ATP6V1B1: variants seen among roughly 807,000 people sequenced by gnomAD.
ATP6V1B1 encodes the protein ATPase H+ transporting V1 subunit B1.
Under a neutral mutation model 62.1 loss-of-function variants are expected in ATP6V1B1, and 41 were observed. The observed-to-expected ratio is 0.66, with a 90% confidence interval of 0.51 to 0.86. ATP6V1B1 has a LOEUF of 0.86. ATP6V1B1 is among the 40% of genes least tolerant of loss of function. The probability of loss-of-function intolerance (pLI) is 0.00; values close to 1 mark genes in which losing one functional copy is unlikely to be tolerated. For missense variants in ATP6V1B1, 651 were observed against 697.5 expected, an observed-to-expected ratio of 0.93 and a Z score of 0.75; for synonymous variants, 253 against 273.4, an observed-to-expected ratio of 0.93 and a Z score of 0.74.
chr2:70,961,809 G>T (rs1680594591), intron 8 of ATP6V1B1, 116 bp downstream of exon 8: 1 of 1,019,846 alleles, frequency 9.8e-7, no homozygotes, highest in African/African-American at 1.6e-5. Flanking sequence ...GCCAGAGCTG[G>T]GAGAACAACC....
chr2:70,946,953 C>T (rs1553417466), intron 2 of ATP6V1B1, among the ~76,000 whole-genome samples: 4 of 152,314 alleles, frequency 2.6e-5, no homozygotes, highest in Non-Finnish European at 1.5e-5. Context: ...AGGCACCTCT[C>T]CCCATCCCTC....
At chr2:70,945,620 G>C (rs141020222) in intron 2 of ATP6V1B1, among the ~76,000 whole-genome samples, 22 of 149,392 alleles carry the variant, frequency 1.5e-4, no homozygotes, top group Non-Finnish European at 3.1e-4. Context: ...GATCAGGTCA[G>C]GGCAATTAGC....
At chr2:70,948,370 C>G (rs782808738) in intron 2 of ATP6V1B1, 1 of 152,440 alleles carries the variant, frequency 6.6e-6, no homozygotes, top group Non-Finnish European at 1.5e-5. Context: ...TCCCGAGTAG[C>G]TAGGACTACA....
intron 4 of ATP6V1B1, 99 bp from the exon 5 acceptor site, chr2:70,958,919 G>C: frequency 6.8e-6 from 8 of 1,172,424 alleles, no homozygotes; most frequent in Non-Finnish European, 1.0e-5. Flanking sequence ...GCACTCCTGT[G>C]GGGAGTGGGT....
At chr2:70,957,979 G>T in intron 2 of ATP6V1B1, 67 bp from the exon 3 acceptor site, 1 of 1,443,048 alleles carries the variant, frequency 6.9e-7, no homozygotes, top group East Asian at 2.4e-5. Context: ...GTCAGGGAGG[G>T]CCGGAGGAGG....
chr2:70,957,981 C>T (rs894725531), intron 2 of ATP6V1B1, 65 bp from the exon 3 acceptor site: 52 of 1,459,884 alleles, frequency 3.6e-5, no homozygotes, highest in African/African-American at 2.0e-4. Flanking sequence ...CAGGGAGGGC[C>T]GGAGGAGGAG....
At chr2:70,954,949 C>A (rs540895608) in intron 2 of ATP6V1B1, among the ~76,000 whole-genome samples, 2 of 152,138 alleles carry the variant, frequency 1.3e-5, no homozygotes, top group African/African-American at 4.8e-5. Context: ...TGACAGCTGA[C>A]GATGAGTGTC....
In ATP6V1B1 at chr2:70,958,370, C is replaced by T; in HGVS notation, c.311C>T (p.Thr104Ile). The T allele has an allele frequency of 1.2e-6, 2 of 1,614,128 alleles. No individual in the cohort carries two copies. The highest frequency in any genetic ancestry group is 1.6e-4 in the Middle Eastern group (1 of 6,062). ...ACATCAGGGATCGATGCCAGGAAGA[C>T]CACTTGCGAATTTACAGGGGACATC... ...EGTSGIDARK[T>I]TCEFTGDILR... The change falls in exon 4 of 14, where the codon ACC (threonine) becomes ATC (isoleucine). Residue 104 changes from threonine (T) to isoleucine (I), a missense_variant. By Grantham distance (89) the Thr-to-Ile change is moderately conservative (BLOSUM62 -1). Coordinates refer to ENST00000234396, the MANE Select transcript of ATP6V1B1 (RefSeq NM_001692.4).
intron 2 of ATP6V1B1, among the ~76,000 whole-genome samples, chr2:70,954,306 G>A (rs1680386499): frequency 1.3e-5 from 2 of 152,132 alleles, no homozygotes; most frequent in South Asian, 2.1e-4. Context: ...GGAGCGAAAT[G>A]TTTTCTAGTT....
Position 70,962,893 on chromosome 2 carries a change from T to C in ATP6V1B1, c.902T>C (p.Leu301Ser). 4.3e-6 allele frequency: 7 copies of C among 1,614,072 alleles called. No homozygotes were observed. Among genetic ancestry groups the C allele is most frequent in the Non-Finnish European group, 5.9e-6 (7 of 1,180,014 alleles). The change falls in exon 9 of 14, where the codon TTG becomes TCG. Residue 301 changes from leucine to serine, a missense_variant. Leu to Ser is a moderately radical substitution (Grantham distance 145, BLOSUM62 -2). Coordinates refer to ENST00000234396, the MANE Select transcript of ATP6V1B1 (RefSeq NM_001692.4). The stretch of plus-strand genomic sequence containing the variant: ...GACATGAGTTCCTATGCAGAGGCCT[T>C]GCGGGAGGTAAGCTGGCTAGCAAGG... ...LTDMSSYAEA[L>S]REVSAAREEV...
At position 70,943,543 on chromosome 2, in the gene ATP6V1B1, C is replaced by A. The variant is rs1418385850; in HGVS notation, c.119-115C>A. The A allele has an allele frequency of 3.5e-6, 4 of 1,129,580 alleles. 1 individual carries two copies. In the South Asian group the frequency reaches 5.2e-5, roughly 15 times the overall value. 70.0% of individuals were successfully genotyped at this position (1,129,580 alleles called of 1,614,324 possible). A position where few individuals can be genotyped will look rare whatever the true frequency, so the allele number is the denominator to read the frequency against. On this transcript the variant is annotated intron_variant, in intron 1 of 13. Transcript: ENST00000234396. ...TGTCACAGCTAATGACCCTGACGGC[C>A]CAGGCTGGGAAGGAGGTGGGGTGTG...
intron 4 of ATP6V1B1, 85 bp downstream of exon 4, chr2:70,958,511 C>CT: frequency 8.0e-7 from 1 of 1,249,010 alleles, no homozygotes; most frequent in South Asian, 1.2e-5. Flanking sequence ...GCACACTACA[C>CT]TGTCACTTCC....
chr2:70,941,988 G>A (rs1208444011), intron 1 of ATP6V1B1: 1 of 1,029,970 alleles, frequency 9.7e-7, no homozygotes, highest in Non-Finnish European at 1.2e-6. Flanking sequence ...GGCCATGCTT[G>A]TGAGGGGAGG....
intron 2 of ATP6V1B1, among the ~76,000 whole-genome samples, chr2:70,953,427 TTTTAA>T (rs1343429584): frequency 6.6e-6 from 1 of 152,232 alleles, no homozygotes; most frequent in African/African-American, 2.4e-5. Context: ...GTTTTTAATC[TTTTAA>T]TTTGTTAATA....
rs112998211 is a variant in ATP6V1B1 at position 70,959,317 on chromosome 2, G to C, written c.445+222G>C. On this transcript the variant is annotated intron_variant, in intron 5 of 13. Coordinates refer to ENST00000234396, the MANE Select transcript of ATP6V1B1 (RefSeq NM_001692.4). The surrounding 1 kb of genome is among the most constrained non-coding windows in gnomAD (Gnocchi z 4.2). ...ATTGGGCAGTGTTCCACGCCTGCCC[G>C]AAGGCCATCATGCCCCTGCCTTTGG... Among the ~76,000 whole-genome samples the C allele has an allele frequency of 2.6e-5, 4 of 152,330 alleles. 1 individual carries two copies. The highest frequency in any genetic ancestry group is 9.6e-5 in the African/African-American group (4 of 41,580).
At chr2:70,944,800 C>G (rs1680113255) in intron 2 of ATP6V1B1, among the ~76,000 whole-genome samples, 1 of 152,130 alleles carries the variant, frequency 6.6e-6, no homozygotes, top group African/African-American at 2.4e-5. Context: ...TCCCGAGTAG[C>G]TGGGACTACA....
chr2:70,941,734 C>T, intron 1 of ATP6V1B1: 4 of 985,548 alleles, frequency 4.1e-6, no homozygotes, highest in Non-Finnish European at 4.8e-6. Flanking sequence ...AGGAAGAAGG[C>T]AGATCTCAGA....
At chr2:70,943,894 C>T in intron 2 of ATP6V1B1, 181 bp downstream of exon 2, 1 of 821,676 alleles carries the variant, frequency 1.2e-6, no homozygotes, top group Non-Finnish European at 1.5e-6. Context: ...GCCGTCCAAG[C>T]TTTCTCCTCC....
chr2:70,954,586 A>G (rs2104820716), intron 2 of ATP6V1B1, among the ~76,000 whole-genome samples: 1 of 152,274 alleles, frequency 6.6e-6, no homozygotes. Flanking sequence ...GGAATTTGGG[A>G]GGAAAGTGTT....
Sources: allele counts gnomAD v4.1 joint callset (sites outside exome capture counted in the v4.1 genomes callset), GRCh38; gene constraint gnomAD v4.1.1; non-coding constraint Gnocchi (gnomAD v3.1); transcripts MANE v1.5; gene names NCBI Gene and HGNC (gene_info 2026-07-23, HGNC 2026-07-21).